Variants in DDX42 observed in about 807,000 individuals in gnomAD.
The protein encoded by DDX42 is DEAD-box helicase 42.
A neutral mutation model predicts 101.5 loss-of-function variants in DDX42; 22 were observed. That is an observed-to-expected ratio of 0.22 (90% CI 0.15 to 0.31). The LOEUF (loss-of-function observed/expected upper bound fraction) is 0.31, where lower values mean the gene tolerates loss of function less well. Among genes scored for constraint, DDX42 ranks in the 10% least tolerant of loss-of-function variants. The pLI, the probability that DDX42 is intolerant of heterozygous loss-of-function variation, is 1.00. For missense variants in DDX42, 849 were observed against 1,199.9 expected, an observed-to-expected ratio of 0.71 and a Z score of 4.32; for synonymous variants, 402 against 401.2, an observed-to-expected ratio of 1.00 and a Z score of -0.02.
At chr17:63,799,407 A>G (rs2039734210) in intron 4 of DDX42, 182 bp from the exon 5 acceptor site, 4 of 484,248 alleles carry the variant, frequency 8.3e-6, no homozygotes, top group Middle Eastern at 2.9e-4. Context: ...TGCAGATTAT[A>G]GAGTGCAGCT....
chr17:63,809,428 T>C, intron 10 of DDX42, 132 bp from the exon 11 acceptor site: 1 of 665,252 alleles, frequency 1.5e-6, no homozygotes, highest in Non-Finnish European at 2.6e-6. Context: ...GCATAAGGTA[T>C]GTGGCTGTTG....
chr17:63,794,144 C>T lies in DDX42; in HGVS notation c.372+1582C>T, dbSNP rs1020500674. 1.4e-4 allele frequency among the ~76,000 whole-genome samples: 22 copies of T among 152,122 alleles called. 2 individuals carry two copies. Among genetic ancestry groups the T allele is most frequent in the Admixed American group, 1.3e-3 (20 of 15,266 alleles). ...ATCCTACTTTACACTCTCGTAAATT[C>T]TCTCCCTGCTTTAGGCTCTCTGCTG... On this transcript the variant is annotated intron_variant, in intron 3 of 17. Coordinates refer to ENST00000389924, the MANE Select transcript of DDX42 (RefSeq NM_203499.3).
chr17:63,810,396 T>A, intron 11 of DDX42, 117 bp from the exon 12 acceptor site: 1 of 1,046,198 alleles, frequency 9.6e-7, no homozygotes, highest in Admixed American at 2.5e-5. Flanking sequence ...TGGCCTGGGG[T>A]TTCTAATTTT....
rs201182179 is a variant in DDX42, at chr17:63,818,425, G to T, written c.*27G>T. The T allele has an allele frequency of 1.3e-6, 2 of 1,588,960 alleles. No individual in the cohort carries two copies. Among genetic ancestry groups the T allele is most frequent in the Non-Finnish European group, 1.7e-6 (2 of 1,167,802 alleles). On this transcript the variant is annotated 3_prime_UTR_variant, in exon 18 of 18. Transcript: ENST00000389924. Reference sequence around the variant, plus strand: ...GGGGATGTGCTAAAGCGTGAAATCAGTTGTCCTTAATTTTTAGAAAGATTT... The same window carrying T: ...GGGGATGTGCTAAAGCGTGAAATCATTTGTCCTTAATTTTTAGAAAGATTT...
intron 4 of DDX42, chr17:63,799,375 C>T: frequency 2.3e-6 from 1 of 431,978 alleles, no homozygotes; most frequent in Non-Finnish European, 4.1e-6. Flanking sequence ...ATCATATCAT[C>T]CCATTTAAAA....
rs139119837 is a variant in DDX42 at position 63,804,836 on chromosome 17, G to A, written c.622-235G>A. Among the ~76,000 whole-genome samples, 100 of 152,210 alleles carry A rather than the reference G, an allele frequency of 6.6e-4. 2 individuals are homozygous for A. The highest frequency in any genetic ancestry group is 1.9e-3 in the African/African-American group (77 of 41,512). On this transcript the variant is annotated intron_variant, in intron 6 of 17. Transcript: ENST00000389924. ...TGCACTACAGCCTGGGTGACAGAGC[G>A]AAACTGTCTCAACCAATAAAAGAAG...
At chr17:63,799,296 C>T (rs2016336268) in intron 4 of DDX42, among the ~76,000 whole-genome samples, 1 of 152,086 alleles carries the variant, frequency 6.6e-6, no homozygotes. Context: ...AAACTAGGAC[C>T]ATTTGGTATC....
chr17:63,798,176 T>C (rs2039716492), intron 4 of DDX42, 77 bp downstream of exon 4: 2 of 1,374,298 alleles, frequency 1.5e-6, no homozygotes, highest in Non-Finnish European at 2.0e-6. Flanking sequence ...CCCCAAAGTT[T>C]ATAGAGAAAA....
intron 1 of DDX42, among the ~76,000 whole-genome samples, chr17:63,777,346 A>C (rs559228345): frequency 1.3e-5 from 2 of 152,248 alleles, no homozygotes; most frequent in South Asian, 4.1e-4. Flanking sequence ...AAAACATGCT[A>C]TAAGAGAAAA....
chr17:63,808,717 G>A (rs947681624), intron 9 of DDX42, 103 bp from the exon 10 acceptor site: 42 of 1,459,982 alleles, frequency 2.9e-5, no homozygotes, highest in East Asian at 1.2e-4. Flanking sequence ...TCTAGGTTTC[G>A]ATTTTTTATG....
intron 1 of DDX42, among the ~76,000 whole-genome samples, chr17:63,782,611 C>T (rs1402814889): frequency 1.3e-5 from 2 of 152,210 alleles, no homozygotes; most frequent in Non-Finnish European, 2.9e-5. Context: ...ACTGGTCACA[C>T]AATCCTAATT....
At chr17:63,810,992 A>G (rs2039903144) in intron 12 of DDX42, 84 bp from the exon 13 acceptor site, 1 of 1,122,876 alleles carries the variant, frequency 8.9e-7, no homozygotes, top group Non-Finnish European at 1.3e-6. Flanking sequence ...AAAAAACTGA[A>G]TAATCCTGAA....
chr17:63,810,103 T>C (rs1244482730), intron 11 of DDX42, among the ~76,000 whole-genome samples: 1 of 152,140 alleles, frequency 6.6e-6, no homozygotes, highest in African/African-American at 2.4e-5. Flanking sequence ...AGCTTCTTTT[T>C]TCTTGAGACA....
At chr17:63,802,814 G>A (rs1192296175) in intron 6 of DDX42, among the ~76,000 whole-genome samples, 1 of 151,776 alleles carries the variant, frequency 6.6e-6, no homozygotes, top group Non-Finnish European at 1.5e-5. Flanking sequence ...GGAGAGTGAG[G>A]CAGGAGAGTC....
At chr17:63,797,691 A>G (rs1054224900) in intron 3 of DDX42, among the ~76,000 whole-genome samples, 1 of 152,222 alleles carries the variant, frequency 6.6e-6, no homozygotes, top group Non-Finnish European at 1.5e-5. Flanking sequence ...CTTAAGCTAT[A>G]CTTTGAGGAA....
intron 1 of DDX42, among the ~76,000 whole-genome samples, chr17:63,781,221 T>G (rs1323226500): frequency 6.6e-6 from 1 of 152,078 alleles, no homozygotes; most frequent in African/African-American, 2.4e-5. Context: ...TTAGTTCTTT[T>G]TGTTTTGTTT....
Position 63,792,438 on chromosome 17 carries a change from C to G in DDX42, c.248C>G (p.Ser83Cys), listed in dbSNP as rs140380364. The G allele has an allele frequency of 5.6e-6, 9 of 1,612,932 alleles. No individual in the cohort carries two copies. The highest frequency in any genetic ancestry group is 1.7e-5 in the Admixed American group (1 of 59,834). ...NAYFEDEEED[S>C]SNVDLPYIPA... Reference sequence around the variant, plus strand: ...TATTTTGAAGATGAGGAAGAAGATTCTAGCAACGTTGATTTACCTTACATT... The same window carrying G: ...TATTTTGAAGATGAGGAAGAAGATTGTAGCAACGTTGATTTACCTTACATT... The change falls in exon 3 of 18, where the codon TCT becomes TGT. Residue 83 changes from serine (S) to cysteine (C), a missense_variant. Ser to Cys is a moderately radical substitution (Grantham distance 112). Transcript: ENST00000389924.
chr17:63,799,758 T>C, intron 5 of DDX42, 133 bp downstream of exon 5: 2 of 872,952 alleles, frequency 2.3e-6, no homozygotes, highest in East Asian at 5.2e-5. Flanking sequence ...ATTTGCTCCT[T>C]TTGTACCTGT....
intron 15 of DDX42, 124 bp from the exon 16 acceptor site, chr17:63,815,439 C>A: frequency 1.6e-6 from 1 of 622,632 alleles, no homozygotes; most frequent in Non-Finnish European, 2.8e-6. Context: ...CCTCCCTTAG[C>A]GTAGTGCTGG....
Sources: gnomAD v4.1 joint callset for allele counts (sites outside exome capture counted in the v4.1 genomes callset) on GRCh38, gnomAD v4.1.1 for gene constraint, MANE v1.5 for transcripts, NCBI Gene and HGNC (gene_info 2026-07-23, HGNC 2026-07-21) for gene names.